The following ARHGEF6 variants were observed in gnomAD, a reference collection of about 807,000 sequenced individuals.
The protein encoded by ARHGEF6 is rho guanine nucleotide exchange factor 6.
In ARHGEF6, 9 loss-of-function variants were observed where a neutral mutation model predicts 70.3. The ratio of observed to expected loss-of-function variants is 0.13; its 90% CI spans 0.08 to 0.22. ARHGEF6 has a LOEUF of 0.22. Ranked by LOEUF, ARHGEF6 falls within the 10% of genes least tolerant of loss-of-function variation. The probability of loss-of-function intolerance (pLI) is 1.00; values close to 1 mark genes in which losing one functional copy is unlikely to be tolerated. For missense variants in ARHGEF6, 470 were observed against 563.0 expected, an observed-to-expected ratio of 0.83 and a Z score of 1.67; for synonymous variants, 201 against 207.8, an observed-to-expected ratio of 0.97 and a Z score of 0.28.
At chrX:136,758,293 C>T (rs1365330656) in intron 2 of ARHGEF6, among the ~76,000 whole-genome samples, 2 of 109,026 alleles carry the variant, frequency 1.8e-5, no homozygotes, top group African/African-American at 6.7e-5. Context: ...CCTCGTGATC[C>T]GCCCGCCTCG....
At chrX:136,683,461 C>T (rs1337227243) in intron 12 of ARHGEF6, among the ~76,000 whole-genome samples, 2 of 110,916 alleles carry the variant, frequency 1.8e-5, no homozygotes, top group Non-Finnish European at 3.8e-5. Flanking sequence ...CGGGTTCAAG[C>T]GATTCTCCTG....
chrX:136,724,190 C>T (rs1482690834), intron 6 of ARHGEF6, among the ~76,000 whole-genome samples: 3 of 108,627 alleles, frequency 2.8e-5, no homozygotes, highest in African/African-American at 1.0e-4. Flanking sequence ...AGTGATTCTT[C>T]TGCCTCAGCC....
intron 5 of ARHGEF6, among the ~76,000 whole-genome samples, chrX:136,737,094 T>C (rs186541121): frequency 1.8e-5 from 2 of 111,996 alleles, no homozygotes; most frequent in Admixed American, 9.4e-5. Context: ...TTTGACCCAA[T>C]AGTAAGCAGA....
rs193040927 is a variant in ARHGEF6, at chrX:136,733,656, T to A, written c.662-1484A>T. The stretch of plus-strand genomic sequence containing the variant: ...AATATCCCTAATATTTATTTCATAC[T>A]TAATAGCTTTTAAGACATATTATTT... On this transcript the variant is annotated intron_variant, in intron 5 of 21. Transcript: ENST00000250617. Among the ~76,000 whole-genome samples the A allele has an allele frequency of 3.6e-5, 4 of 112,628 alleles. No individual in the cohort carries two copies. In the East Asian group the frequency reaches 1.1e-3, roughly 31 times the overall value.
At chrX:136,719,819 C>T (rs1186137631) in intron 6 of ARHGEF6, among the ~76,000 whole-genome samples, 3 of 111,175 alleles carry the variant, frequency 2.7e-5, no homozygotes, top group African/African-American at 9.8e-5. Flanking sequence ...ATATCACTAG[C>T]GATCCCATGG....
At chrX:136,720,979 T>C (rs778406599) in intron 6 of ARHGEF6, among the ~76,000 whole-genome samples, 2 of 111,675 alleles carry the variant, frequency 1.8e-5, no homozygotes, top group South Asian at 7.4e-4. Flanking sequence ...AAAACTCTGG[T>C]AAAAGAAATC....
At chrX:136,741,537 TTG>T (rs1195418072) in intron 5 of ARHGEF6, among the ~76,000 whole-genome samples, 7 of 105,615 alleles carry the variant, frequency 6.6e-5, no homozygotes, top group African/African-American at 1.8e-4. Context: ...TTTTTTTTTT[TTG>T]TGTGTGTGTG....
chrX:136,777,959 T>A (rs763807613), intron 2 of ARHGEF6, among the ~76,000 whole-genome samples: 1 of 110,298 alleles, frequency 9.1e-6, no homozygotes, highest in African/African-American at 3.3e-5. Context: ...GGCATAGGAA[T>A]GATGTAATGG....
chrX:136,687,341 T>C (rs2076413706), intron 11 of ARHGEF6, among the ~76,000 whole-genome samples: 5 of 112,257 alleles, frequency 4.5e-5, no homozygotes, highest in Admixed American at 3.8e-4. Flanking sequence ...TTGCCCAAAA[T>C]GAAGTTTTCT....
chrX:136,727,584 AGTGCAATG>A (rs1239844486), intron 6 of ARHGEF6, among the ~76,000 whole-genome samples: 3 of 96,210 alleles, frequency 3.1e-5, no homozygotes, highest in Non-Finnish European at 6.1e-5. Context: ...CCCAGGCTGG[AGTGCAATG>A]GTGCAATCTC....
chrX:136,777,396 C>T (rs902827110), intron 2 of ARHGEF6, among the ~76,000 whole-genome samples: 1 of 106,136 alleles, frequency 9.4e-6, no homozygotes, highest in African/African-American at 3.4e-5. Flanking sequence ...GAGATATCAC[C>T]TCACTCCTGC....
At chrX:136,738,903 C>T (rs965330864) in intron 5 of ARHGEF6, among the ~76,000 whole-genome samples, 1 of 112,142 alleles carries the variant, frequency 8.9e-6, no homozygotes, top group African/African-American at 3.2e-5. Context: ...CCCACTATCC[C>T]CAGAGTAATC....
At chrX:136,707,859 A>G (rs184372460) in intron 8 of ARHGEF6, among the ~76,000 whole-genome samples, 64 of 112,010 alleles carry the variant, frequency 5.7e-4, no homozygotes, top group African/African-American at 2.0e-3. Context: ...GCTGCTTGAA[A>G]AATTAGTCTT....
chrX:136,729,872 T>A (rs1397487954), intron 6 of ARHGEF6, among the ~76,000 whole-genome samples: 1 of 110,013 alleles, frequency 9.1e-6, no homozygotes, highest in Non-Finnish European at 1.9e-5. Flanking sequence ...ATACATAATT[T>A]CCTGTTTTAT....
At chrX:136,766,280 G>C (rs2077312948) in intron 2 of ARHGEF6, among the ~76,000 whole-genome samples, 1 of 98,403 alleles carries the variant, frequency 1.0e-5, no homozygotes, top group Admixed American at 1.3e-4. Flanking sequence ...GAGTTTTCCA[G>C]GCAAATATAA....
rs180926373 is a variant in ARHGEF6, at chrX:136,757,092, C to T, written c.250-9500G>A. On this transcript the variant is annotated intron_variant, in intron 2 of 21. Transcript: ENST00000250617. ...ATTCAAATTACTTCTCAAGGCCAGG[C>T]GCAGTGGTTCATGTCTGTAGTCCCA... 7.1e-5 allele frequency among the ~76,000 whole-genome samples: 8 copies of T among 112,916 alleles called. No homozygotes were observed. In the East Asian group the frequency reaches 2.2e-3, roughly 31 times the overall value.
chrX:136,740,113 A>G (rs905136356), intron 5 of ARHGEF6, among the ~76,000 whole-genome samples: 1 of 111,014 alleles, frequency 9.0e-6, no homozygotes, highest in Non-Finnish European at 1.9e-5. Context: ...GATTCAAACT[A>G]TTCTCCTGCC....
chrX:136,754,219 G>C (rs1217977893), intron 2 of ARHGEF6, among the ~76,000 whole-genome samples: 1 of 111,518 alleles, frequency 9.0e-6, no homozygotes, highest in Non-Finnish European at 1.9e-5. Flanking sequence ...TCAGGTAAGA[G>C]GGGAATGAAT....
chrX:136,755,306 C>A (rs1449313116), intron 2 of ARHGEF6, among the ~76,000 whole-genome samples: 1 of 112,017 alleles, frequency 8.9e-6, no homozygotes, highest in East Asian at 2.8e-4. Context: ...CCTAGACATT[C>A]AGGGTACTAT....
Sources: gnomAD v4.1 joint callset for allele counts (sites outside exome capture counted in the v4.1 genomes callset) on GRCh38, gnomAD v4.1.1 for gene constraint, MANE v1.5 for transcripts, NCBI Gene and HGNC (gene_info 2026-07-23, HGNC 2026-07-21) for gene names.